The following OVCH1 variants were observed in gnomAD, a reference collection of about 807,000 sequenced individuals.
OVCH1 encodes the protein ovochymase 1.
OVCH1 carries 139 observed loss-of-function variants against 138.4 expected under a neutral mutation model. The observed-to-expected ratio is 1.00, with a 90% CI of 0.87 to 1.16. OVCH1 has a LOEUF of 1.16. OVCH1 is among the 50% of genes most tolerant of loss of function. OVCH1 has a pLI of 0.00. For synonymous variants in OVCH1, 453 were observed against 467.8 expected (o/e 0.97, Z 0.41); for missense variants, 1,367 against 1,357.9 (o/e 1.01, Z -0.11).
intron 25 of OVCH1, among the ~76,000 whole-genome samples, chr12:29,441,685 A>G (rs1473250468): frequency 2.0e-5 from 3 of 152,196 alleles, no homozygotes; most frequent in Non-Finnish European, 4.4e-5. Context: ...TGAACAGGCA[A>G]CCTACAAAAT....
rs1942267797 is a variant in OVCH1, at chr12:29,465,009, T to A, written c.1929+138A>T. Reference sequence around the variant, plus strand: ...AAAATGTAATCTCAAATTGCATTTTTAAATGTGGGTATAAATAATAAGTGT... The same window carrying A: ...AAAATGTAATCTCAAATTGCATTTTAAAATGTGGGTATAAATAATAAGTGT... On this transcript the variant is annotated intron_variant, in intron 17 of 27. Coordinates refer to ENST00000318184, the Ensembl canonical transcript of OVCH1. 2.2e-5 allele frequency: 18 copies of A among 810,152 alleles called. No homozygotes were observed. In the South Asian group the frequency reaches 3.3e-4, roughly 15 times the overall value. The allele number at this position is 810,152 out of a possible 1,614,324, so 50.2% of individuals were successfully genotyped here. A position where few individuals can be genotyped will look rare whatever the true frequency, so the allele number is the denominator to read the frequency against.
At chr12:29,484,553 G>C (rs941878358) in intron 8 of OVCH1, among the ~76,000 whole-genome samples, 160 bp downstream of exon 9, 1 of 152,122 alleles carries the variant, frequency 6.6e-6, no homozygotes, top group East Asian at 1.9e-4. Flanking sequence ...TACTTAGTAC[G>C]CTGGGGTGGG....
chr12:29,416,147 C>T (rs922810025), intron 3 of OVCH1, among the ~76,000 whole-genome samples: 1 of 151,442 alleles, frequency 6.6e-6, no homozygotes, highest in African/African-American at 2.4e-5. Context: ...AAACCTTACA[C>T]ATTATACAAA....
intron 25 of OVCH1, among the ~76,000 whole-genome samples, chr12:29,442,743 G>T (rs975100393): frequency 1.3e-5 from 2 of 151,534 alleles, no homozygotes; most frequent in African/African-American, 4.8e-5. Flanking sequence ...ATTTTATTAA[G>T]AATAGATCCA....
intron 16 of OVCH1, among the ~76,000 whole-genome samples, chr12:29,470,779 T>A (rs565090694): frequency 2.6e-5 from 4 of 152,302 alleles, no homozygotes; most frequent in African/African-American, 9.6e-5. Flanking sequence ...TTCTAGGTCC[T>A]TGAGGAATCG....
At chr12:29,409,803 T>A (rs1288126641), downstream of OVCH1, among the ~76,000 whole-genome samples, 1 of 152,038 alleles carries the variant, frequency 6.6e-6, no homozygotes, top group Non-Finnish European at 1.5e-5. Context: ...GGGTGGAGAG[T>A]TCTGTAGATG....
At chr12:29,426,418 G>A (rs930871813), downstream of OVCH1, among the ~76,000 whole-genome samples, 2 of 152,202 alleles carry the variant, frequency 1.3e-5, no homozygotes, top group African/African-American at 4.8e-5. Flanking sequence ...CGATGTAGGA[G>A]AAAGGATAAC....
chr12:29,472,766 T>C (rs1942557161), intron 15 of OVCH1, among the ~76,000 whole-genome samples: 1 of 152,226 alleles, frequency 6.6e-6, no homozygotes. Context: ...TTTTAAATAT[T>C]AAGTTTGTAG....
At chr12:29,431,966 C>T (rs2135901965) in intron 27 of OVCH1, among the ~76,000 whole-genome samples, 1 of 152,336 alleles carries the variant, frequency 6.6e-6, no homozygotes, top group East Asian at 1.9e-4. Context: ...TCCACTCCTA[C>T]TCTGCCTTAG....
chr12:29,476,415 A>G (rs1372401250), intron 12 of OVCH1, 116 bp from the exon 13 acceptor site: 1 of 821,454 alleles, frequency 1.2e-6, no homozygotes, highest in African/African-American at 1.7e-5. Flanking sequence ...GCCTTCACAT[A>G]GAAGTGTAAA....
intron 8 of OVCH1, among the ~76,000 whole-genome samples, chr12:29,482,370 C>T (rs182250989): frequency 5.9e-5 from 9 of 152,188 alleles, no homozygotes; most frequent in East Asian, 3.9e-4. Context: ...ATCTTTATAA[C>T]GTGGTCTTCC....
chr12:29,475,995 T>C (rs1267754676), intron 13 of OVCH1, among the ~76,000 whole-genome samples: 1 of 152,198 alleles, frequency 6.6e-6, no homozygotes, highest in Non-Finnish European at 1.5e-5. Context: ...TGAAACAATC[T>C]TTACATTTTG....
intron 27 of OVCH1, among the ~76,000 whole-genome samples, chr12:29,428,891 T>C (rs193229339): frequency 6.6e-6 from 1 of 152,340 alleles, no homozygotes; most frequent in Admixed American, 6.5e-5. Flanking sequence ...AGTCTCATGA[T>C]GGAATACTGC....
intron 25 of OVCH1, chr12:29,439,533 T>G: frequency 3.8e-6 from 5 of 1,327,346 alleles, no homozygotes; most frequent in East Asian, 2.8e-5. Flanking sequence ...GAAAAATCTC[T>G]ATCTCTACTA....
intron 19 of OVCH1, among the ~76,000 whole-genome samples, chr12:29,459,798 A>G (rs987143104): frequency 6.6e-6 from 1 of 152,132 alleles, no homozygotes; most frequent in Non-Finnish European, 1.5e-5. Flanking sequence ...AAGAACTTAG[A>G]ATAAAAAATC....
chr12:29,496,284 C>T lies in OVCH1; in HGVS notation c.184-6G>A. The T allele has an allele frequency of 1.3e-6, 2 of 1,591,610 alleles. No homozygotes were observed. The highest frequency in any genetic ancestry group is 1.7e-6 in the Non-Finnish European group (2 of 1,167,310). ...TCATCTGATTTTAGGGAGACCTACC[C>T]AAGAAGAAAGTTACAAATGCAGCTA... On this transcript the variant is annotated splice_region_variant and splice_polypyrimidine_tract_variant and intron_variant, in intron 2 of 27. Transcript: ENST00000318184.
At chr12:29,420,967 C>T (rs1469914323) in intron 3 of OVCH1, among the ~76,000 whole-genome samples, 1 of 152,250 alleles carries the variant, frequency 6.6e-6, no homozygotes, top group Non-Finnish European at 1.5e-5. Context: ...ATAGGGAGAG[C>T]AGATGGGTAC....
the OVCH1 span, among the ~76,000 whole-genome samples, chr12:29,406,552 G>A: frequency 9.9e-5 from 15 of 151,902 alleles, no homozygotes; most frequent in South Asian, 2.1e-4. Flanking sequence ...GAGAATATAC[G>A]GTGTTTGGTT....
At chr12:29,413,570 T>C (rs1019530780) in intron 3 of OVCH1, among the ~76,000 whole-genome samples, 3 of 152,192 alleles carry the variant, frequency 2.0e-5, no homozygotes, top group Admixed American at 1.3e-4. Context: ...TATATTGATA[T>C]ATTATGTATT....
Sources: gnomAD v4.1 joint callset for allele counts (sites outside exome capture counted in the v4.1 genomes callset) on GRCh38, gnomAD v4.1.1 for gene constraint, MANE v1.5 for transcripts, NCBI Gene and HGNC (gene_info 2026-07-23, HGNC 2026-07-21) for gene names.